CDH13: variants seen among roughly 807,000 people sequenced by gnomAD.
CDH13 encodes cadherin 13, also known as cadherin-13.
Under a neutral mutation model 63.8 loss-of-function variants are expected in CDH13, and 24 were observed. That is an observed-to-expected ratio of 0.38 (90% CI 0.27 to 0.53). The LOEUF is 0.53. Among genes scored for constraint, CDH13 ranks in the 20% least tolerant of loss-of-function variants. CDH13 has a pLI of 0.85. For missense variants in CDH13, 1,049 were observed against 903.1 expected (o/e 1.16, Z -2.07); for synonymous variants, 503 against 355.3 (o/e 1.42, Z -4.67).
intron 4 of CDH13, among the ~76,000 whole-genome samples, chr16:83,155,507 C>T (rs767939626): frequency 5.9e-5 from 9 of 152,094 alleles, no homozygotes; most frequent in African/African-American, 1.9e-4. Context: ...GGTCTCCTGT[C>T]CTCTCTCTAG....
At chr16:82,712,742 G>A (rs949304453) in intron 1 of CDH13, among the ~76,000 whole-genome samples, 2 of 152,156 alleles carry the variant, frequency 1.3e-5, no homozygotes, top group African/African-American at 4.8e-5. Context: ...GTTCTTGACT[G>A]TTCGCATAGC....
intron 1 of CDH13, among the ~76,000 whole-genome samples, chr16:82,724,879 CT>C (rs1190299712): frequency 6.6e-6 from 1 of 152,160 alleles, no homozygotes; most frequent in Non-Finnish European, 1.5e-5. Flanking sequence ...ATGTCCTTGG[CT>C]GGGTCAGCCA....
intron 8 of CDH13, among the ~76,000 whole-genome samples, chr16:83,661,062 T>TC (rs1491538300): frequency 6.7e-6 from 1 of 149,458 alleles, no homozygotes; most frequent in Non-Finnish European, 1.5e-5. Context: ...TTTTTTTTTT[T>TC]CAAACAAAAT....
chr16:82,866,451 C>T (rs1179190389), intron 2 of CDH13, among the ~76,000 whole-genome samples: 12 of 126,114 alleles, frequency 9.5e-5, no homozygotes, highest in African/African-American at 1.9e-4. Flanking sequence ...TGCAGTGGCA[C>T]GATCTCAGCT....
intron 1 of CDH13, among the ~76,000 whole-genome samples, chr16:82,735,709 G>A (rs868292560): frequency 1.4e-4 from 21 of 152,314 alleles, no homozygotes; most frequent in Non-Finnish European, 1.3e-4. Flanking sequence ...GTGATCTGAG[G>A]AAAGCGAGAC....
At chr16:83,294,323 C>G (rs576200182) in intron 5 of CDH13, among the ~76,000 whole-genome samples, 10 of 152,086 alleles carry the variant, frequency 6.6e-5, no homozygotes, top group East Asian at 1.9e-4. Context: ...GACAATAGTT[C>G]TCTTGAGCTT....
intron 3 of CDH13, among the ~76,000 whole-genome samples, chr16:83,103,127 A>G (rs1444428870): frequency 2.7e-5 from 4 of 149,950 alleles, no homozygotes; most frequent in East Asian, 2.0e-4. Flanking sequence ...TAATTTTTGT[A>G]TCTTTAGTAG....
intron 8 of CDH13, among the ~76,000 whole-genome samples, chr16:83,619,765 T>A (rs763626835): frequency 2.0e-5 from 3 of 152,214 alleles, no homozygotes; most frequent in Non-Finnish European, 4.4e-5. Context: ...GTAACTTGAT[T>A]CTCTCTGTCA....
chr16:83,507,565 G>A (rs567161667), intron 7 of CDH13, among the ~76,000 whole-genome samples: 3 of 152,246 alleles, frequency 2.0e-5, no homozygotes, highest in South Asian at 4.2e-4. Flanking sequence ...CCCAGGAAAC[G>A]TTTCCAAAGG....
At chr16:82,886,714 T>C (rs187546221) in intron 2 of CDH13, among the ~76,000 whole-genome samples, 1 of 152,302 alleles carries the variant, frequency 6.6e-6, no homozygotes, top group Non-Finnish European at 1.5e-5. Flanking sequence ...TTTTCTGTGT[T>C]CTCTGTGATT....
At chr16:83,079,383 C>G (rs2151558678) in intron 3 of CDH13, among the ~76,000 whole-genome samples, 1 of 152,288 alleles carries the variant, frequency 6.6e-6, no homozygotes, top group South Asian at 2.1e-4. Context: ...AAATCAACCT[C>G]ACTGTGATGC....
intron 6 of CDH13, among the ~76,000 whole-genome samples, chr16:83,402,052 A>C (rs970771271): frequency 6.6e-6 from 1 of 152,086 alleles, no homozygotes; most frequent in Non-Finnish European, 1.5e-5. Flanking sequence ...TTTCTTTCTC[A>C]TTGTATACTT....
intron 2 of CDH13, among the ~76,000 whole-genome samples, chr16:82,906,102 C>A (rs564682634): frequency 6.6e-6 from 1 of 152,202 alleles, no homozygotes. Flanking sequence ...ACCTGTACAT[C>A]TATCTCTCTA....
chr16:83,116,689 T>G (rs7200160), intron 3 of CDH13, among the ~76,000 whole-genome samples: 27,788 of 152,160 alleles, frequency 0.18, 3,600 homozygotes, highest in African/African-American at 0.37. Flanking sequence ...TCTAAAATTA[T>G]ATGTGGTGAG....
chr16:83,648,346 T>C (rs1437695466), intron 8 of CDH13, among the ~76,000 whole-genome samples: 1 of 152,212 alleles, frequency 6.6e-6, no homozygotes, highest in Non-Finnish European at 1.5e-5. Flanking sequence ...AGGGTCACTT[T>C]GATTCAACGC....
chr16:82,898,764 G>A (rs1432167416), intron 2 of CDH13, among the ~76,000 whole-genome samples: 5 of 152,226 alleles, frequency 3.3e-5, no homozygotes, highest in Non-Finnish European at 5.9e-5. Flanking sequence ...GAAGGGTGGA[G>A]TAGTGGAGAG....
chr16:83,324,037 C>T (rs1428119661), intron 5 of CDH13, among the ~76,000 whole-genome samples: 1 of 139,004 alleles, frequency 7.2e-6, no homozygotes, highest in African/African-American at 2.6e-5. Flanking sequence ...ATTTCTTCTT[C>T]TTCTTTTTTT....
At chr16:83,203,726 A>T (rs893983829) in intron 4 of CDH13, among the ~76,000 whole-genome samples, 3 of 152,016 alleles carry the variant, frequency 2.0e-5, no homozygotes, top group African/African-American at 7.2e-5. Context: ...ACTAATAAAA[A>T]AATTTGGTTT....
intron 1 of CDH13, among the ~76,000 whole-genome samples, chr16:82,802,339 C>G (rs1447333202): frequency 6.6e-6 from 1 of 152,130 alleles, no homozygotes; most frequent in Non-Finnish European, 1.5e-5. Context: ...AACCAGGAGT[C>G]GACCCTGATG....
Sources: gnomAD v4.1 joint callset for allele counts (sites outside exome capture counted in the v4.1 genomes callset) on GRCh38, gnomAD v4.1.1 for gene constraint, MANE v1.5 for transcripts, NCBI Gene and HGNC (gene_info 2026-07-23, HGNC 2026-07-21) for gene names.